The following STAT2 variants were observed in gnomAD, a reference collection of about 807,000 sequenced individuals.
The protein encoded by STAT2 is interferon alpha induced transcriptional activator.
Under a neutral mutation model 122.3 loss-of-function variants are expected in STAT2, and 51 were observed. That is an observed-to-expected ratio of 0.42 (90% CI 0.33 to 0.53). STAT2 has a LOEUF of 0.53. Ranked by LOEUF, STAT2 falls within the 20% of genes least tolerant of loss-of-function variation. The pLI is 0.10. For missense variants in STAT2, 736 were observed against 1,010.3 expected (o/e 0.73, Z 3.68); for synonymous variants, 351 against 394.9 (o/e 0.89, Z 1.32).
rs545206791 is a variant in STAT2 at position 56,342,933 on chromosome 12, C to T, written c.*456G>A. On this transcript the variant is annotated 3_prime_UTR_variant, in exon 24 of 24. Transcript: ENST00000314128. ...TAAAGGAAAGAAGAAAGCAAGTTAT[C>T]CTAGACATGAAGGAATGGAAGAAAG... 5 of 154,168 alleles carry T rather than the reference C, an allele frequency of 3.2e-5. No individual in the cohort carries two copies. Among genetic ancestry groups the T allele is most frequent in the Admixed American group, 1.3e-4 (2 of 15,392 alleles). 9.6% of individuals were successfully genotyped at this position (154,168 alleles called of 1,614,324 possible).
chr12:56,356,568 C>A lies in STAT2; in HGVS notation c.4G>T (p.Ala2Ser). 6.2e-7 allele frequency: 1 copy of A among 1,614,136 alleles called. No homozygotes were observed. Among genetic ancestry groups the A allele is most frequent in the Admixed American group, 1.7e-5 (1 of 60,020 alleles). M[A>S]QWEMLQNLDS... Reference sequence around the variant, plus strand: ...AGATTCTGCAGCATTTCCCACTGCGCCATTTGGGCTCTGCGTCAGAAGGAT... The same window carrying A: ...AGATTCTGCAGCATTTCCCACTGCGACATTTGGGCTCTGCGTCAGAAGGAT... The change falls in exon 2 of 24, where the codon GCG becomes TCG. Residue 2 changes from alanine (A) to serine (S), a missense_variant. By Grantham distance (99) the Ala-to-Ser change is moderately conservative (BLOSUM62 1). Coordinates refer to ENST00000314128, the MANE Select transcript of STAT2 (RefSeq NM_005419.4).
intron 7 of STAT2, 21 bp from the exon 8 acceptor site, chr12:56,354,635 G>GTTGATAA (rs1398650490): frequency 6.2e-7 from 1 of 1,613,902 alleles, no homozygotes; most frequent in Non-Finnish European, 8.5e-7. Context: ...GATAATGTGA[G>GTTGATAA]TGTTGAGCAT....
In STAT2 at chr12:56,343,858, C is replaced by T; in HGVS notation, c.2380G>A (p.Asp794Asn). The stretch of plus-strand genomic sequence containing the variant: ...GGCTCAGTGTTCAAATGTCTCAGAT[C>T]ACAGGGCAAATCTGGCTCTGGCACT... Reference protein sequence around the residue: ...QPVPEPDLPCDLRHLNTEPME... With the variant: ...QPVPEPDLPCNLRHLNTEPME... Residue 794 changes from aspartate to asparagine, a missense_variant, in exon 23 of 24, where the codon GAT (aspartate) becomes AAT (asparagine). By Grantham distance (23) the Asp-to-Asn change is conservative. Transcript: ENST00000314128. 1.2e-6 allele frequency: 2 copies of T among 1,614,228 alleles called. No individual in the cohort carries two copies. The highest frequency in any genetic ancestry group is 1.7e-6 in the Non-Finnish European group (2 of 1,180,054).
intron 10 of STAT2, 66 bp downstream of exon 10, chr12:56,351,032 A>C (rs1878384892): frequency 5.7e-6 from 9 of 1,590,210 alleles, no homozygotes; most frequent in Non-Finnish European, 7.8e-6. Flanking sequence ...GAAGAGCTGT[A>C]AAGCCAGAAA....
intron 12 of STAT2, 63 bp downstream of exon 12, chr12:56,350,349 C>T (rs888517138): frequency 7.2e-6 from 11 of 1,529,138 alleles, no homozygotes; most frequent in African/African-American, 4.2e-5. Flanking sequence ...CCAGGGCTGC[C>T]GAATGTGGTT....
At position 56,348,803 on chromosome 12, in the gene STAT2, C is replaced by A. The variant is rs765342705; in HGVS notation, c.1578G>T (p.Gly526=). The A allele has an allele frequency of 6.2e-7, 1 of 1,614,156 alleles. No individual in the cohort carries two copies. Among genetic ancestry groups the A allele is most frequent in the East Asian group, 2.2e-5 (1 of 44,876 alleles). Residue 526 remains glycine (G), a splice_region_variant and synonymous_variant, in exon 18 of 24, where the codon GGG becomes GGT. Transcript: ENST00000314128. ...QLSMLRNKLF[G]QNCRTEDPLL... ...ATGGATCCTCAGTCCTACAGTTCTG[C>A]CCTGTGGGACAGATAGCCACAGACA...
chr12:56,356,388 C>T, intron 2 of STAT2, 53 bp downstream of exon 2: 1 of 1,608,862 alleles, frequency 6.2e-7, no homozygotes. Context: ...ATCCCGGGGG[C>T]CCAGAAGTAA....
intron 19 of STAT2, among the ~76,000 whole-genome samples, chr12:56,348,253 A>C (rs1877846618): frequency 6.6e-6 from 1 of 151,196 alleles, no homozygotes. Context: ...ACGCCCGGCT[A>C]ATTTTTTGTA....
chr12:56,356,643 T>C, intron 1 of STAT2, 65 bp from the exon 2 acceptor site: 1 of 1,568,510 alleles, frequency 6.4e-7, no homozygotes, highest in South Asian at 1.2e-5. Context: ...CATAGTTTCA[T>C]GATTGTTCAT....
At chr12:56,348,834 T>A in intron 17 of STAT2, 30 bp from the exon 18 acceptor site, 1 of 1,613,998 alleles carries the variant, frequency 6.2e-7, no homozygotes, top group Admixed American at 1.7e-5. Context: ...AGACAGATGA[T>A]GAGGGAAGCC....
chr12:56,355,951 G>A (rs750735191), intron 3 of STAT2, 148 bp from the exon 4 acceptor site: 10 of 1,188,286 alleles, frequency 8.4e-6, no homozygotes, highest in Non-Finnish European at 1.2e-5. Context: ...CCTCCCAACA[G>A]TGTCACGTAT....
At position 56,349,482 on chromosome 12, in the gene STAT2, G is replaced by A. The variant is rs1371562030; in HGVS notation, c.1285C>T (p.His429Tyr). The A allele has an allele frequency of 6.2e-7, 1 of 1,614,164 alleles. No homozygotes were observed. Among genetic ancestry groups the A allele is most frequent in the Non-Finnish European group, 8.5e-7 (1 of 1,180,040 alleles). The change falls in exon 15 of 24, where the codon CAC becomes TAC. Residue 429 changes from histidine (H) to tyrosine (Y), a missense_variant. By Grantham distance (83) the His-to-Tyr change is moderately conservative. Transcript: ENST00000314128. ...KGPLGVTEEL[H>Y]IISFTVKYTY... ...TATTTGACCGTGAAGCTGATGATGTGCAGTTCCTCTGTCACACCTAGTGGC... is the reference window on the plus strand; with the variant it reads ...TATTTGACCGTGAAGCTGATGATGTACAGTTCCTCTGTCACACCTAGTGGC...
intron 19 of STAT2, 72 bp from the exon 20 acceptor site, chr12:56,347,027 C>G: frequency 6.3e-7 from 1 of 1,574,830 alleles, no homozygotes; most frequent in Non-Finnish European, 8.6e-7. Flanking sequence ...TCCCTGCTCC[C>G]CTTGTATGGA....
chr12:56,353,541 AAC>A (rs967541111), intron 8 of STAT2, among the ~76,000 whole-genome samples: 39 of 152,334 alleles, frequency 2.6e-4, no homozygotes, highest in African/African-American at 9.4e-4. Flanking sequence ...ATTTTTCTAC[AAC>A]ACAATATAAT....
rs1160438015 is a variant in STAT2 at position 56,342,625 on chromosome 12, A to C, written c.*764T>G. The C allele has an allele frequency of 6.6e-6, 1 of 152,146 alleles. No individual in the cohort carries two copies. The allele number at this position is 152,146 out of a possible 1,614,324, so 9.4% of individuals were successfully genotyped here. A position where few individuals can be genotyped will look rare whatever the true frequency, so the allele number is the denominator to read the frequency against. ...AATCCCCAGCAATCCTACCATCCCC[A>C]GCCTCCAGGAGTGATCTGTCTCCTA... On this transcript the variant is annotated 3_prime_UTR_variant, in exon 24 of 24. Coordinates refer to ENST00000314128, the MANE Select transcript of STAT2 (RefSeq NM_005419.4).
At chr12:56,343,618 A>C (rs11575244) in intron 23 of STAT2, 87 bp from the exon 24 acceptor site, 48,418 of 1,550,314 alleles carry the variant, frequency 0.031, 894 homozygotes, top group Non-Finnish European at 0.037. Flanking sequence ...ATGGCAGGAA[A>C]GGCCTGGGAA....
At position 56,346,841 on chromosome 12, in the gene STAT2, G is replaced by C; in HGVS notation, c.1839C>G (p.Ser613=). 2 of 1,614,228 alleles carry C rather than the reference G, an allele frequency of 1.2e-6. No individual in the cohort carries two copies. The highest frequency in any genetic ancestry group is 1.7e-6 in the Non-Finnish European group (2 of 1,180,036). ...GACCATCATCCTGGTGCTCCACCCA[G>C]GAGCAGGTAATGCCCCCTTCTGACG... ...SESSEGGITC[S]WVEHQDDDKV... Residue 613 remains serine, a synonymous_variant, in exon 20 of 24, where the codon TCC becomes TCG. Coordinates refer to ENST00000314128, the MANE Select transcript of STAT2 (RefSeq NM_005419.4).
chr12:56,343,944 G>T lies in STAT2; in HGVS notation c.2294C>A (p.Pro765His). ...LESTLEPVIE[P>H]TLCMVSQTVP... ...TGTTTGTGATACCATGCATAGTGTG[G>T]GCTCTATCACAGGCTCCAGAGTGGA... The change falls in exon 23 of 24, where the codon CCC (proline) becomes CAC (histidine). Residue 765 changes from proline to histidine, a missense_variant. By Grantham distance (77) the Pro-to-His change is moderately conservative (BLOSUM62 -2). Coordinates refer to ENST00000314128, the MANE Select transcript of STAT2 (RefSeq NM_005419.4). 6.2e-7 allele frequency: 1 copy of T among 1,614,076 alleles called. No homozygotes were observed. Among genetic ancestry groups the T allele is most frequent in the Non-Finnish European group, 8.5e-7 (1 of 1,180,022 alleles).
rs779870805 is a variant in STAT2, at chr12:56,354,649, T to C, written c.634-35A>G. 1.9e-6 allele frequency: 3 copies of C among 1,613,520 alleles called. No individual in the cohort carries two copies. The South Asian group carries it at 3.3e-5, about 18-fold the overall frequency. Reference sequence around the variant, plus strand: ...AGATAATGTGAGTGTTGAGCATCTCTCCCTTTCACCCTCCACCACCCAACT... The same window carrying C: ...AGATAATGTGAGTGTTGAGCATCTCCCCCTTTCACCCTCCACCACCCAACT... On this transcript the variant is annotated intron_variant, in intron 7 of 23. Coordinates refer to ENST00000314128, the MANE Select transcript of STAT2 (RefSeq NM_005419.4).
Sources: allele counts gnomAD v4.1 joint callset (sites outside exome capture counted in the v4.1 genomes callset), GRCh38; gene constraint gnomAD v4.1.1; transcripts MANE v1.5; gene names NCBI Gene and HGNC (gene_info 2026-07-23, HGNC 2026-07-21).